Variants in PRKN observed in about 807,000 individuals in gnomAD.
PRKN encodes parkin RBR E3 ubiquitin protein ligase, also known as E3 ubiquitin-protein ligase parkin.
PRKN carries 56 observed loss-of-function variants against 59.5 expected under a neutral mutation model. The ratio of observed to expected loss-of-function variants is 0.94; its 90% CI spans 0.76 to 1.18. The LOEUF (loss-of-function observed/expected upper bound fraction) is 1.18, where lower values mean the gene tolerates loss of function less well. PRKN is among the 50% of genes most tolerant of loss of function. PRKN has a pLI of 0.00. For synonymous variants in PRKN, 250 were observed against 222.1 expected (o/e 1.13, Z -1.12); for missense variants, 657 against 596.4 (o/e 1.10, Z -1.06).
intron 4 of PRKN, among the ~76,000 whole-genome samples, chr6:162,087,655 G>A (rs569455430): frequency 5.1e-4 from 74 of 145,748 alleles, no homozygotes; most frequent in African/African-American, 1.7e-3. Context: ...GTGCAGTGGC[G>A]CGATCTCGGC....
At chr6:161,685,980 A>G (rs978080662) in intron 7 of PRKN, among the ~76,000 whole-genome samples, 1 of 151,888 alleles carries the variant, frequency 6.6e-6, no homozygotes, top group Non-Finnish European at 1.5e-5. Context: ...TTTTGCTTCT[A>G]GTGACTTATG....
Position 162,230,913 on chromosome 6 carries a change from A to G in PRKN, c.413-29661T>C, listed in dbSNP as rs139923307. ...GTTGTAGCTTTCTGATCTTCTTTCT[A>G]TCTCATAAAAAATATTTCAAAGTAA... On this transcript the variant is annotated intron_variant, in intron 3 of 11. Transcript: ENST00000366898. 1.2e-4 allele frequency among the ~76,000 whole-genome samples: 19 copies of G among 152,288 alleles called. No homozygotes were observed. In the East Asian group the frequency reaches 3.3e-3, roughly 26 times the overall value.
intron 2 of PRKN, among the ~76,000 whole-genome samples, chr6:162,302,514 G>A (rs535627865): frequency 1.3e-5 from 2 of 152,198 alleles, no homozygotes; most frequent in South Asian, 2.1e-4. Flanking sequence ...CTGTGGCACG[G>A]AATGCAGGCA....
rs1421693598 is a variant in PRKN, at chr6:161,444,470, C to A, written c.1084-57593G>T. Among the ~76,000 whole-genome samples the A allele has an allele frequency of 6.6e-6, 1 of 152,212 alleles. No homozygotes were observed. Among genetic ancestry groups the A allele is most frequent in the Non-Finnish European group, 1.5e-5 (1 of 68,050 alleles). Reference sequence around the variant, plus strand: ...TCCGGCATTTCCATTTCCATGCATGCTTTTTCCATTTAGACTAAACTAGCG... The same window carrying A: ...TCCGGCATTTCCATTTCCATGCATGATTTTTCCATTTAGACTAAACTAGCG... On this transcript the variant is annotated intron_variant, in intron 9 of 11. Transcript: ENST00000366898. The surrounding 1 kb of genome is among the most constrained non-coding windows in gnomAD (Gnocchi z 5.6).
chr6:162,275,914 G>C (rs1389601473), intron 2 of PRKN, among the ~76,000 whole-genome samples: 2 of 152,182 alleles, frequency 1.3e-5, no homozygotes, highest in Non-Finnish European at 2.9e-5. Context: ...CTGTGGCAGA[G>C]GCGCAAGAGT....
intron 2 of PRKN, among the ~76,000 whole-genome samples, chr6:162,377,335 C>T (rs1215607050): frequency 1.3e-5 from 2 of 152,138 alleles, no homozygotes; most frequent in Non-Finnish European, 2.9e-5. Context: ...TTAAGGAAGA[C>T]CAGTCACTTC....
intron 2 of PRKN, among the ~76,000 whole-genome samples, chr6:162,440,783 T>C (rs1392170404): frequency 6.6e-6 from 1 of 152,036 alleles, no homozygotes; most frequent in Non-Finnish European, 1.5e-5. Context: ...CAGCAACTTA[T>C]TATTAGATAT....
chr6:162,218,912 A>G (rs6908440), intron 3 of PRKN, among the ~76,000 whole-genome samples: 63,507 of 152,024 alleles, frequency 0.42, 15,187 homozygotes, highest in East Asian at 0.8. Context: ...GGTGGCTCAC[A>G]CCTGTGATCC....
rs1416267874 is a variant in PRKN at position 161,353,246 on chromosome 6, T to C, written c.1286-3035A>G. The stretch of plus-strand genomic sequence containing the variant: ...TCCTTTTACCAGCCCAGGGCAGGAC[T>C]GGAACCATCCGCAGCTGTTCTGACT... On this transcript the variant is annotated intron_variant, in intron 11 of 11. Coordinates refer to ENST00000366898, the MANE Select transcript of PRKN (RefSeq NM_004562.3). This position sits in a 1 kb window ranked among gnomAD's most constrained non-coding sequence, Gnocchi z 4.8. Among the ~76,000 whole-genome samples the C allele has an allele frequency of 2.6e-5, 4 of 152,146 alleles. No homozygotes were observed. The highest frequency in any genetic ancestry group is 2.6e-4 in the Admixed American group (4 of 15,274).
intron 1 of PRKN, among the ~76,000 whole-genome samples, chr6:162,622,295 T>TG (rs1782703542): frequency 7.1e-6 from 1 of 141,210 alleles, no homozygotes; most frequent in African/African-American, 2.5e-5. Context: ...AATTCTGTTT[T>TG]TTTTTTTGTT....
rs1786794932 is a variant in PRKN at position 161,397,055 on chromosome 6, C to T, written c.1084-10178G>A. Among the ~76,000 whole-genome samples the T allele has an allele frequency of 6.6e-6, 1 of 152,182 alleles. No individual in the cohort carries two copies. The highest frequency in any genetic ancestry group is 1.5e-5 in the Non-Finnish European group (1 of 68,032). The stretch of plus-strand genomic sequence containing the variant: ...CCCCTGCAGCCTCAGCCAAAATGAT[C>T]AAGGTGTTTTCTTCCCAAGCCCTGT... On this transcript the variant is annotated intron_variant, in intron 9 of 11. Coordinates refer to ENST00000366898, the MANE Select transcript of PRKN (RefSeq NM_004562.3). The surrounding 1 kb of genome is among the most constrained non-coding windows in gnomAD (Gnocchi z 4.2).
Position 162,262,719 on chromosome 6 carries a change from G to A in PRKN, c.218C>T (p.Pro73Leu), listed in dbSNP as rs775743629. The part of the protein sequence containing the change: ...QQSIVHIVQR[P>L]WRKGQEMNAT... ...ATTCATTTCTTGACCTTTTCTCCAC[G>A]GTCTCTGCACAATGTGAACAATGCT... Residue 73 changes from proline to leucine, a missense_variant, in exon 3 of 12, where the codon CCG becomes CTG. Transcript: ENST00000366898. 3.4e-5 allele frequency: 54 copies of A among 1,611,308 alleles called. No individual in the cohort carries two copies. The highest frequency in any genetic ancestry group is 4.5e-5 in the Non-Finnish European group (53 of 1,179,796).
chr6:161,764,618 T>C (rs564501903), intron 7 of PRKN, among the ~76,000 whole-genome samples: 1 of 152,350 alleles, frequency 6.6e-6, no homozygotes, highest in Admixed American at 6.5e-5. Flanking sequence ...AGTAATTTAA[T>C]TGTGCATTTC....
At chr6:162,628,779 C>A (rs1782994634) in intron 1 of PRKN, among the ~76,000 whole-genome samples, 1 of 152,062 alleles carries the variant, frequency 6.6e-6, no homozygotes, top group African/African-American at 2.4e-5. Context: ...TATATAAGGT[C>A]TAATGAATGC....
intron 9 of PRKN, among the ~76,000 whole-genome samples, chr6:161,469,305 C>G (rs1207067544): frequency 6.6e-6 from 1 of 152,180 alleles, no homozygotes; most frequent in Admixed American, 6.5e-5. Context: ...CTCTCTCCTG[C>G]CACCCTGTGA....
intron 3 of PRKN, among the ~76,000 whole-genome samples, chr6:162,235,918 G>C (rs1237472603): frequency 4.7e-5 from 3 of 64,214 alleles, no homozygotes; most frequent in East Asian, 1.2e-3. Flanking sequence ...AGGAAGGAAG[G>C]AAGGAAGGAA....
In PRKN at chr6:162,381,665, C is replaced by G. The variant is rs1480508095; in HGVS notation, c.171+61645G>C. On this transcript the variant is annotated intron_variant, in intron 2 of 11. Coordinates refer to ENST00000366898, the MANE Select transcript of PRKN (RefSeq NM_004562.3). ...CTGGTAAATGCTATACCTGTCCCCC[C>G]CACTATCTCTTTATAAATGCCTCAG... Among the ~76,000 whole-genome samples the G allele has an allele frequency of 2.6e-5, 4 of 152,170 alleles. No individual in the cohort carries two copies. In the South Asian group the frequency reaches 8.3e-4, roughly 32 times the overall value.
At chr6:162,062,604 A>G (rs1415554114) in intron 4 of PRKN, among the ~76,000 whole-genome samples, 1 of 152,170 alleles carries the variant, frequency 6.6e-6, no homozygotes, top group Non-Finnish European at 1.5e-5. Flanking sequence ...CCATGTGAAA[A>G]TATGGGGAGA....
chr6:161,900,787 A>AT (rs1562377170), intron 6 of PRKN, among the ~76,000 whole-genome samples: 3 of 82,562 alleles, frequency 3.6e-5, no homozygotes, highest in Non-Finnish European at 7.2e-5. Flanking sequence ...ATTATATATA[A>AT]AATATAAATA....
Sources: gnomAD v4.1 joint callset for allele counts (sites outside exome capture counted in the v4.1 genomes callset) on GRCh38, gnomAD v4.1.1 for gene constraint, Gnocchi (gnomAD v3.1) non-coding constraint, MANE v1.5 for transcripts, NCBI Gene and HGNC (gene_info 2026-07-23, HGNC 2026-07-21) for gene names.